Variants in XIRP2 observed in about 807,000 individuals in gnomAD.
XIRP2 encodes the protein xin actin-binding repeat-containing protein 2.
A neutral mutation model predicts 277.0 loss-of-function variants in XIRP2; 236 were observed. That is an observed-to-expected ratio of 0.85 (90% CI 0.77 to 0.95). The LOEUF is 0.95. Among genes scored for constraint, XIRP2 ranks in the 40% least tolerant of loss-of-function variants. The probability of loss-of-function intolerance (pLI) is 0.00; values close to 1 mark genes in which losing one functional copy is unlikely to be tolerated. For synonymous variants in XIRP2, 1,490 were observed against 1,416.5 expected, an observed-to-expected ratio of 1.05 and a Z score of -1.17; for missense variants, 4,640 against 4,157.5, an observed-to-expected ratio of 1.12 and a Z score of -3.19.
rs753331479 is a variant in XIRP2 at position 167,259,102 on chromosome 2, C to A, written c.*1285C>A. ...CTGCATTTTCCAAGAAAAATGAGAA[C>A]ATTTTCAATTGTGATTTAATAGATT... On this transcript the variant is annotated 3_prime_UTR_variant, in exon 11 of 11. Transcript: ENST00000409195. 1.2e-6 allele frequency: 2 copies of A among 1,611,454 alleles called. No homozygotes were observed. The highest frequency in any genetic ancestry group is 2.2e-5 in the South Asian group (2 of 90,984).
intron 3 of XIRP2, among the ~76,000 whole-genome samples, chr2:167,162,333 G>A (rs998331805): frequency 6.6e-6 from 1 of 152,186 alleles, no homozygotes; most frequent in East Asian, 1.9e-4. Context: ...TCACGTTGCT[G>A]ATAAAGACAT....
At chr2:167,154,246 G>A (rs549137925) in intron 3 of XIRP2, among the ~76,000 whole-genome samples, 3 of 149,258 alleles carry the variant, frequency 2.0e-5, no homozygotes, top group Non-Finnish European at 4.5e-5. Context: ...GCCACTTTTT[G>A]ATGGGGTTGT....
chr2:167,062,361 G>A (rs1290705997), intron 2 of XIRP2, among the ~76,000 whole-genome samples: 1 of 152,130 alleles, frequency 6.6e-6, no homozygotes, highest in Non-Finnish European at 1.5e-5. Context: ...TAGCATCTGC[G>A]ACTGATTTCA....
At chr2:167,155,822 T>C (rs1248861011) in intron 3 of XIRP2, among the ~76,000 whole-genome samples, 2 of 151,780 alleles carry the variant, frequency 1.3e-5, no homozygotes, top group African/African-American at 2.4e-5. Flanking sequence ...TGTTTGCAGA[T>C]GACATGATTG....
chr2:167,042,768 G>C (rs1188622826), intron 2 of XIRP2, among the ~76,000 whole-genome samples: 3 of 152,038 alleles, frequency 2.0e-5, no homozygotes, highest in African/African-American at 7.2e-5. Context: ...TTGGATATTT[G>C]AAGACCCCCA....
intron 2 of XIRP2, among the ~76,000 whole-genome samples, chr2:166,998,875 G>A (rs1482961586): frequency 6.6e-6 from 1 of 152,032 alleles, no homozygotes; most frequent in Non-Finnish European, 1.5e-5. Context: ...CTGCCTGATT[G>A]GTGAATTGCT....
At chr2:166,934,896 T>C (rs549802963) in intron 2 of XIRP2, among the ~76,000 whole-genome samples, 1 of 152,148 alleles carries the variant, frequency 6.6e-6, no homozygotes, top group East Asian at 1.9e-4. Context: ...CTAGTTGTGG[T>C]GGCACACACC....
chr2:167,163,556 TA>T (rs138984735), intron 3 of XIRP2, among the ~76,000 whole-genome samples: 11,048 of 152,320 alleles, frequency 0.073, 461 homozygotes, highest in South Asian at 0.15. Context: ...ATCAAAGGCA[TA>T]AAAATCCTTT....
At chr2:167,009,745 A>G (rs1005174805) in intron 2 of XIRP2, among the ~76,000 whole-genome samples, 4 of 152,062 alleles carry the variant, frequency 2.6e-5, no homozygotes, top group Admixed American at 1.3e-4. Flanking sequence ...TGACTTTTTA[A>G]TGATCGCTAT....
chr2:166,978,749 A>G (rs1686785199), intron 2 of XIRP2, among the ~76,000 whole-genome samples: 2 of 152,168 alleles, frequency 1.3e-5, no homozygotes, highest in South Asian at 4.1e-4. Context: ...TTGAGAGGCC[A>G]AGGCAAGGAT....
At chr2:167,095,781 G>A (rs1316088566) in intron 2 of XIRP2, among the ~76,000 whole-genome samples, 2 of 125,618 alleles carry the variant, frequency 1.6e-5, no homozygotes, top group African/African-American at 2.8e-5. Context: ...TTCCTTTTTT[G>A]TTGTGTCTCT....
At chr2:167,142,570 A>G (rs1691751297) in intron 3 of XIRP2, among the ~76,000 whole-genome samples, 1 of 151,994 alleles carries the variant, frequency 6.6e-6, no homozygotes, top group South Asian at 2.1e-4. Flanking sequence ...AAATAAAAAA[A>G]TAAAAAAAAA....
At position 167,250,955 on chromosome 2, in the gene XIRP2, C is replaced by T; in HGVS notation, c.9563C>T (p.Thr3188Ile). The change falls in exon 9 of 11, where the codon ACC becomes ATC. Residue 3188 changes from threonine (T) to isoleucine (I), a missense_variant. By Grantham distance (89) the Thr-to-Ile change is moderately conservative. Transcript: ENST00000409195. ...RSEQLVRLKD[T>I]TAKLSKGAIP... ...GAACAACTTGTCAGACTCAAAGACA[C>T]CACTGCAAAGTTATCCAAAGGGGCC... The T allele has an allele frequency of 1.2e-6, 2 of 1,613,612 alleles. No individual in the cohort carries two copies. The highest frequency in any genetic ancestry group is 2.2e-5 in the East Asian group (1 of 44,820).
chr2:167,011,074 G>T (rs1400938399), intron 2 of XIRP2, among the ~76,000 whole-genome samples: 1 of 151,206 alleles, frequency 6.6e-6, no homozygotes, highest in Non-Finnish European at 1.5e-5. Flanking sequence ...TCCTTCTCCT[G>T]CCTAATTGCC....
intron 3 of XIRP2, among the ~76,000 whole-genome samples, chr2:167,152,090 C>G (rs1352491337): frequency 6.6e-6 from 1 of 152,038 alleles, no homozygotes; most frequent in East Asian, 1.9e-4. Context: ...CAACTGTGTA[C>G]TTGTGTTTCA....
At chr2:166,910,707 G>T (rs1049362104) in intron 2 of XIRP2, among the ~76,000 whole-genome samples, 2 of 151,922 alleles carry the variant, frequency 1.3e-5, no homozygotes, top group Non-Finnish European at 2.9e-5. Flanking sequence ...GTGATGTTAG[G>T]GTGTCAACTT....
intron 5 of XIRP2, among the ~76,000 whole-genome samples, chr2:167,230,567 A>G (rs951355937): frequency 6.6e-6 from 1 of 152,104 alleles, no homozygotes; most frequent in African/African-American, 2.4e-5. Flanking sequence ...TGTTAAAAAT[A>G]TTAATTCAAA....
intron 3 of XIRP2, among the ~76,000 whole-genome samples, chr2:167,205,527 T>C (rs1273429462): frequency 6.6e-6 from 1 of 152,164 alleles, no homozygotes. Context: ...CTAATTAGCA[T>C]GTAGTGGTCA....
intron 2 of XIRP2, among the ~76,000 whole-genome samples, chr2:166,933,836 T>C (rs1685416485): frequency 6.6e-6 from 1 of 152,206 alleles, no homozygotes; most frequent in African/African-American, 2.4e-5. Flanking sequence ...AATACTATTT[T>C]ATATTTTTAA....
Sources: gnomAD v4.1 joint callset for allele counts (sites outside exome capture counted in the v4.1 genomes callset) on GRCh38, gnomAD v4.1.1 for gene constraint, MANE v1.5 for transcripts, NCBI Gene and HGNC (gene_info 2026-07-23, HGNC 2026-07-21) for gene names.